Variants in TRIO observed in about 807,000 individuals in gnomAD.
TRIO encodes triple functional domain protein.
Under a neutral mutation model 351.9 loss-of-function variants are expected in TRIO, and 58 were observed. The observed-to-expected ratio is 0.16, with a 90% confidence interval of 0.13 to 0.21. The LOEUF (loss-of-function observed/expected upper bound fraction) is 0.21. TRIO is among the 10% of genes least tolerant of loss of function. The pLI, the probability that TRIO is intolerant of heterozygous loss-of-function variation, is 1.00. For missense variants in TRIO, 3,201 were observed against 4,027.8 expected (o/e 0.79, Z 5.56); for synonymous variants, 1,758 against 1,595.7 (o/e 1.10, Z -2.42).
chr5:14,358,378 G>A, intron 12 of TRIO, 31 bp downstream of exon 12: 1 of 1,608,350 alleles, frequency 6.2e-7, no homozygotes, highest in Non-Finnish European at 8.5e-7. Context: ...GGTCCGAACA[G>A]ATTCTGAAAC....
At chr5:14,391,810 C>G (rs1747107384) in intron 27 of TRIO, among the ~76,000 whole-genome samples, 1 of 152,204 alleles carries the variant, frequency 6.6e-6, no homozygotes, top group Admixed American at 6.5e-5. Flanking sequence ...GTAGAATAAA[C>G]TTTTCAGTTT....
At chr5:14,459,932 T>G (rs1015459860) in intron 34 of TRIO, among the ~76,000 whole-genome samples, 1 of 152,184 alleles carries the variant, frequency 6.6e-6, no homozygotes, top group African/African-American at 2.4e-5. Context: ...TTTCTTTTTT[T>G]GGGGATGCAG....
intron 31 of TRIO, among the ~76,000 whole-genome samples, chr5:14,403,697 T>G (rs373370909): frequency 1.4e-4 from 7 of 48,430 alleles, no homozygotes; most frequent in Admixed American, 2.0e-4. Context: ...GGTGAGGGTG[T>G]AGGTTGTGGT....
At chr5:14,485,306 A>G in intron 47 of TRIO, 60 bp downstream of exon 47, 2 of 1,477,030 alleles carry the variant, frequency 1.4e-6, no homozygotes, top group Non-Finnish European at 1.8e-6. Flanking sequence ...ACTTGTATTT[A>G]TCTTCCCTCT....
rs375698226 is a variant in TRIO, at chr5:14,220,394, T to C, written c.158-50431T>C. 7.9e-5 allele frequency among the ~76,000 whole-genome samples: 12 copies of C among 152,328 alleles called. No individual in the cohort carries two copies. In the East Asian group the frequency reaches 2.1e-3, roughly 27 times the overall value. ...CTCCTATTTTTGAGACACAACGATA[T>C]TGAAATTAGGCCAGTTAATAAATCC... On this transcript the variant is annotated intron_variant, in intron 1 of 56. Transcript: ENST00000344204.
intron 18 of TRIO, among the ~76,000 whole-genome samples, chr5:14,370,392 T>C (rs1744996911): frequency 6.6e-6 from 1 of 152,210 alleles, no homozygotes; most frequent in Non-Finnish European, 1.5e-5. Context: ...ATGTTCTGTG[T>C]TGCATTCTTG....
At chr5:14,269,830 T>C (rs991562394) in intron 1 of TRIO, among the ~76,000 whole-genome samples, 3 of 152,192 alleles carry the variant, frequency 2.0e-5, no homozygotes, top group African/African-American at 7.2e-5. Context: ...TTGCGATGCT[T>C]TTCTTGTACT....
At chr5:14,154,195 T>C (rs1787976443) in intron 1 of TRIO, among the ~76,000 whole-genome samples, 1 of 151,980 alleles carries the variant, frequency 6.6e-6, no homozygotes, top group African/African-American at 2.4e-5. Flanking sequence ...GGATAGGAAA[T>C]CTCTGGCTGT....
At position 14,359,434 on chromosome 5, in the gene TRIO, A is replaced by G. The variant is rs1743929012; in HGVS notation, c.2294A>G (p.Asp765Gly). Reference sequence around the variant, plus strand: ...ATTGAGACGGTGCTGCAGCAGCTGGACGAGGCGCAGTCGCAGATGGAGGAG... The same window carrying G: ...ATTGAGACGGTGCTGCAGCAGCTGGGCGAGGCGCAGTCGCAGATGGAGGAG... ...NHIETVLQQLDEAQSQMEELF... is the reference protein window; with the variant it reads ...NHIETVLQQLGEAQSQMEELF... The change falls in exon 13 of 57, where the codon GAC (aspartate) becomes GGC (glycine). Residue 765 changes from aspartate (D) to glycine (G), a missense_variant. By Grantham distance (94) the Asp-to-Gly change is moderately conservative. Around this residue, in one of 19 missense-constraint regions of TRIO, gnomAD observed 363 missense variants for 553.5 expected, o/e 0.66. Transcript: ENST00000344204. The G allele has an allele frequency of 6.2e-7, 1 of 1,614,164 alleles. No individual in the cohort carries two copies. Among genetic ancestry groups the G allele is most frequent in the African/African-American group, 1.3e-5 (1 of 74,966 alleles).
chr5:14,342,754 T>A (rs947804685), intron 11 of TRIO, among the ~76,000 whole-genome samples: 2 of 152,242 alleles, frequency 1.3e-5, no homozygotes, highest in Non-Finnish European at 2.9e-5. Context: ...TTGCTTTTTG[T>A]TTCTTTCATT....
rs532040043 is a variant in TRIO, at chr5:14,220,061, T to A, written c.158-50764T>A. On this transcript the variant is annotated intron_variant, in intron 1 of 56. Coordinates refer to ENST00000344204, the MANE Select transcript of TRIO (RefSeq NM_007118.4). ...TCCTCTTCTTCTTCTTTTTTTTTTT[T>A]TTTAAAAACAAATTGAAGGTTTCTG... Among the ~76,000 whole-genome samples the A allele has an allele frequency of 2.8e-4, 42 of 151,322 alleles. 1 individual carries two copies. The South Asian group carries it at 8.9e-3, about 32-fold the overall frequency.
intron 2 of TRIO, among the ~76,000 whole-genome samples, chr5:14,273,279 A>G (rs1438395201): frequency 6.6e-6 from 1 of 152,250 alleles, no homozygotes; most frequent in Non-Finnish European, 1.5e-5. Context: ...AAAGATACTT[A>G]TTAGGTCAAG....
intron 11 of TRIO, among the ~76,000 whole-genome samples, chr5:14,342,803 T>A (rs1462132638): frequency 1.3e-5 from 2 of 152,224 alleles, no homozygotes; most frequent in Non-Finnish European, 2.9e-5. Flanking sequence ...GCTTCTTAAC[T>A]TAGGGGATTA....
chr5:14,433,300 C>G (rs551792185), intron 34 of TRIO, among the ~76,000 whole-genome samples: 3 of 152,302 alleles, frequency 2.0e-5, no homozygotes, highest in African/African-American at 7.2e-5. Flanking sequence ...GGCAACTGTG[C>G]TAGAAAGCAG....
At chr5:14,495,043 A>T (rs1030107686) in intron 49 of TRIO, among the ~76,000 whole-genome samples, 2 of 152,236 alleles carry the variant, frequency 1.3e-5, no homozygotes, top group Non-Finnish European at 2.9e-5. Flanking sequence ...AACACTCATG[A>T]ATCATGGGAG....
intron 49 of TRIO, 151 bp from the exon 50 acceptor site, chr5:14,496,728 A>AT: frequency 2.0e-6 from 2 of 1,005,474 alleles, no homozygotes; most frequent in African/African-American, 3.3e-5. Context: ...AAAAAGGAAC[A>AT]TTTTCTCTAA....
At chr5:14,348,851 A>ATG (rs113381219) in intron 11 of TRIO, among the ~76,000 whole-genome samples, 124,267 of 142,710 alleles carry the variant, frequency 0.87, 54,319 homozygotes, top group African/African-American at 0.95. Flanking sequence ...GCACGTGAGC[A>ATG]TGTTTTTCCT....
intron 18 of TRIO, among the ~76,000 whole-genome samples, chr5:14,371,246 C>G (rs1222826672): frequency 6.6e-6 from 1 of 152,142 alleles, no homozygotes; most frequent in Non-Finnish European, 1.5e-5. Context: ...TTTTGACTTA[C>G]AATGGGTTTA....
At chr5:14,404,597 T>C (rs1372792511) in intron 31 of TRIO, among the ~76,000 whole-genome samples, 3 of 152,102 alleles carry the variant, frequency 2.0e-5, no homozygotes, top group Admixed American at 6.5e-5. Context: ...TCCAACCAAT[T>C]TGTAGTTTTT....
Sources: allele counts gnomAD v4.1 joint callset (sites outside exome capture counted in the v4.1 genomes callset), GRCh38; gene constraint gnomAD v4.1.1; regional missense constraint gnomAD v4.1.1; transcripts MANE v1.5; gene names NCBI Gene and HGNC (gene_info 2026-07-23, HGNC 2026-07-21).